The following SAMD5 variants were observed in gnomAD, a reference collection of about 807,000 sequenced individuals.
The protein encoded by SAMD5 is sterile alpha motif domain-containing protein 5.
In SAMD5, 13 loss-of-function variants were observed where a neutral mutation model predicts 11.3. That is an observed-to-expected ratio of 1.15 (90% confidence interval 0.75 to 1.83). SAMD5 has a LOEUF of 1.83. Among genes scored for constraint, SAMD5 ranks in the 40% most tolerant of loss-of-function variants. The pLI is 0.00. For missense variants in SAMD5, 255 were observed against 239.1 expected, an observed-to-expected ratio of 1.07 and a Z score of -0.44; for synonymous variants, 129 against 111.3, an observed-to-expected ratio of 1.16 and a Z score of -1.00.
chr6:147,896,376 G>A, the SAMD5 span, among the ~76,000 whole-genome samples: 2 of 152,106 alleles, frequency 1.3e-5, no homozygotes, highest in African/African-American at 4.8e-5. Context: ...GCTGGGGCTG[G>A]GGTTGGGGGA....
chr6:147,925,466 G>C, the SAMD5 span, among the ~76,000 whole-genome samples: 12 of 151,232 alleles, frequency 7.9e-5, no homozygotes, highest in African/African-American at 2.9e-4. Context: ...CTTGTTATAG[G>C]AACTATGGAA....
the SAMD5 span, among the ~76,000 whole-genome samples, chr6:147,771,284 T>C: frequency 6.6e-6 from 1 of 152,184 alleles, no homozygotes; most frequent in African/African-American, 2.4e-5. Flanking sequence ...TTTCTGACTT[T>C]GGGATAAGCA....
chr6:147,950,268 A>G, the SAMD5 span, among the ~76,000 whole-genome samples: 1 of 152,156 alleles, frequency 6.6e-6, no homozygotes, highest in East Asian at 1.9e-4. Flanking sequence ...CATTTAAACC[A>G]TCTTCTGTCA....
the SAMD5 span, among the ~76,000 whole-genome samples, chr6:147,771,100 G>A: frequency 6.6e-6 from 1 of 152,120 alleles, no homozygotes; most frequent in African/African-American, 2.4e-5. Flanking sequence ...TAAATGCCTT[G>A]AGGATAAATC....
intron 1 of SAMD5, among the ~76,000 whole-genome samples, chr6:147,548,597 A>G (rs376821803): frequency 6.6e-6 from 1 of 152,252 alleles, no homozygotes; most frequent in African/African-American, 2.4e-5. Context: ...AAGAATGTAC[A>G]GTAGAGGAAT....
chr6:147,849,409 G>GT, the SAMD5 span, among the ~76,000 whole-genome samples: 3 of 151,906 alleles, frequency 2.0e-5, no homozygotes, highest in Non-Finnish European at 4.4e-5. Context: ...AGATATGCCA[G>GT]TTTTTTTCTT....
intron 1 of SAMD5, among the ~76,000 whole-genome samples, chr6:147,641,055 T>G (rs1377210821): frequency 6.6e-6 from 1 of 152,206 alleles, no homozygotes; most frequent in Admixed American, 6.5e-5. Context: ...TAACATCCAG[T>G]AGACGTTAAC....
At chr6:147,826,390 T>C in the SAMD5 span, among the ~76,000 whole-genome samples, 1 of 152,184 alleles carries the variant, frequency 6.6e-6, no homozygotes, top group Admixed American at 6.5e-5. Context: ...TTTGTGATAA[T>C]GCAAAACTGA....
intron 1 of SAMD5, among the ~76,000 whole-genome samples, chr6:147,734,340 G>T (rs1791759759): frequency 6.6e-6 from 1 of 152,132 alleles, no homozygotes; most frequent in Non-Finnish European, 1.5e-5. Flanking sequence ...TTGACTCAGG[G>T]ATCTAAGACA....
At chr6:147,888,208 A>G in the SAMD5 span, among the ~76,000 whole-genome samples, 1 of 152,112 alleles carries the variant, frequency 6.6e-6, no homozygotes, top group Admixed American at 6.6e-5. Flanking sequence ...CATTTTGTCT[A>G]GGAAAACATT....
chr6:147,936,706 T>A, the SAMD5 span, among the ~76,000 whole-genome samples: 1 of 152,098 alleles, frequency 6.6e-6, no homozygotes, highest in African/African-American at 2.4e-5. Context: ...TCTAACAGAA[T>A]CACAAGCAAA....
At chr6:147,724,049 C>T (rs1228517888) in intron 1 of SAMD5, among the ~76,000 whole-genome samples, 1 of 152,212 alleles carries the variant, frequency 6.6e-6, no homozygotes, top group African/African-American at 2.4e-5. Flanking sequence ...TCCACAATCA[C>T]ATTGCAGGGA....
the SAMD5 span, among the ~76,000 whole-genome samples, chr6:147,933,224 A>G: frequency 6.6e-6 from 1 of 152,230 alleles, no homozygotes; most frequent in African/African-American, 2.4e-5. Flanking sequence ...GACTCTGAGC[A>G]TAAAGTCATG....
chr6:147,901,283 G>T, the SAMD5 span, among the ~76,000 whole-genome samples: 2 of 152,194 alleles, frequency 1.3e-5, no homozygotes, highest in African/African-American at 4.8e-5. Context: ...ACATATCTAT[G>T]TGTTTATACA....
At chr6:147,907,884 A>G in the SAMD5 span, among the ~76,000 whole-genome samples, 599 of 152,302 alleles carry the variant, frequency 3.9e-3, 3 homozygotes, top group African/African-American at 0.014. Context: ...AGGTGCATTC[A>G]TTTTATAGAG....
chr6:147,513,361 CT>C (rs1788117802), intron 1 of SAMD5, among the ~76,000 whole-genome samples: 1 of 152,144 alleles, frequency 6.6e-6, no homozygotes, highest in Non-Finnish European at 1.5e-5. Context: ...CTTGACAGAA[CT>C]TAAATGATTG....
the SAMD5 span, among the ~76,000 whole-genome samples, chr6:147,756,226 C>T: frequency 6.6e-6 from 1 of 152,078 alleles, no homozygotes; most frequent in African/African-American, 2.4e-5. Context: ...ATATAAGATT[C>T]CTTGAGTATT....
chr6:147,789,278 AACACACACACACACACAC>A, the SAMD5 span, among the ~76,000 whole-genome samples: 502 of 141,170 alleles, frequency 3.6e-3, 9 homozygotes, highest in African/African-American at 0.012. Flanking sequence ...TCTCTAGAAA[AACACACACACACACACAC>A]ACACACACAC....
chr6:147,697,856 C>A (rs547837181), intron 1 of SAMD5, among the ~76,000 whole-genome samples: 2 of 152,196 alleles, frequency 1.3e-5, no homozygotes, highest in African/African-American at 4.8e-5. Flanking sequence ...GTTCATAAGA[C>A]CAGAAGGGTC....
Sources: allele counts gnomAD v4.1 joint callset (sites outside exome capture counted in the v4.1 genomes callset), GRCh38; gene constraint gnomAD v4.1.1; transcripts MANE v1.5; gene names NCBI Gene and HGNC (gene_info 2026-07-23, HGNC 2026-07-21).